Variants in OIT3 observed in about 807,000 individuals in gnomAD.
The protein encoded by OIT3 is oncoprotein-induced transcript 3 protein.
OIT3 carries 41 observed loss-of-function variants against 52.2 expected under a neutral mutation model. The observed-to-expected ratio is 0.79, with a 90% CI of 0.61 to 1.02. The LOEUF (loss-of-function observed/expected upper bound fraction) is 1.02. Among genes scored for constraint, OIT3 ranks in the 50% least tolerant of loss-of-function variants. The probability of loss-of-function intolerance (pLI) is 0.00; values close to 1 mark genes in which losing one functional copy is unlikely to be tolerated. For missense variants in OIT3, 634 were observed against 715.5 expected (o/e 0.89, Z 1.30); for synonymous variants, 244 against 276.9 (o/e 0.88, Z 1.18).
chr10:72,918,479 A>G (rs1846093301), intron 6 of OIT3: 2 of 1,247,192 alleles, frequency 1.6e-6, no homozygotes, highest in Non-Finnish European at 2.3e-6. Context: ...TTCACAACCA[A>G]AAAGATAGTT....
At chr10:72,917,641 G>C (rs1231244398) in intron 6 of OIT3, 1 of 855,854 alleles carries the variant, frequency 1.2e-6, no homozygotes, top group African/African-American at 1.6e-5. Context: ...TTTTCTTAAA[G>C]AGACTTCCTC....
chr10:72,916,956 G>T (rs777379695), intron 6 of OIT3, among the ~76,000 whole-genome samples: 1 of 151,968 alleles, frequency 6.6e-6, no homozygotes, highest in Non-Finnish European at 1.5e-5. Flanking sequence ...TCATATGCTT[G>T]TTGGCCACAT....
Position 72,898,644 on chromosome 10 carries a change from G to A in OIT3, c.62-20G>A. The A allele has an allele frequency of 1.3e-6, 2 of 1,588,444 alleles. No individual in the cohort carries two copies. The highest frequency in any genetic ancestry group is 2.7e-5 in the African/African-American group (2 of 74,484). On this transcript the variant is annotated intron_variant, in intron 1 of 8. Coordinates refer to ENST00000334011, the MANE Select transcript of OIT3 (RefSeq NM_152635.3). Reference sequence around the variant, plus strand: ...ATCCGAAACACTCCAGGTACTCTGAGGTATCTTTTTCATTTCCAGCCCTAG... The same window carrying A: ...ATCCGAAACACTCCAGGTACTCTGAAGTATCTTTTTCATTTCCAGCCCTAG...
chr10:72,917,999 T>TTCA, intron 6 of OIT3: 4 of 808,456 alleles, frequency 4.9e-6, no homozygotes, highest in Non-Finnish European at 8.6e-6. Context: ...CATCATTATC[T>TTCA]TCATCATCAT....
chr10:72,900,525 G>A (rs567063270), intron 3 of OIT3, 41 bp downstream of exon 3: 3 of 1,120,268 alleles, frequency 2.7e-6, no homozygotes, highest in African/African-American at 1.5e-5. Context: ...TATTAGGATC[G>A]AAAGGACAAA....
chr10:72,905,880 C>G (rs1845975123), intron 3 of OIT3, among the ~76,000 whole-genome samples: 1 of 152,176 alleles, frequency 6.6e-6, no homozygotes, highest in African/African-American at 2.4e-5. Flanking sequence ...AAGGTCATGC[C>G]TCCTGTCATC....
chr10:72,899,063 TTCTCCAC>T, intron 2 of OIT3, 25 bp downstream of exon 2: 1 of 1,569,366 alleles, frequency 6.4e-7, no homozygotes, highest in Non-Finnish European at 8.7e-7. Flanking sequence ...TGTGCTCTTT[TTCTCCAC>T]CAACAAGGCC....
chr10:72,918,462 G>T, intron 6 of OIT3: 1 of 929,418 alleles, frequency 1.1e-6, no homozygotes, highest in East Asian at 2.4e-5. Flanking sequence ...ATCTTTGTCA[G>T]CCTTAATTCA....
chr10:72,913,295 T>C lies in OIT3; in HGVS notation c.791-13T>C, dbSNP rs7913139. On this transcript the variant is annotated splice_polypyrimidine_tract_variant and intron_variant, in intron 5 of 8. Coordinates refer to ENST00000334011, the MANE Select transcript of OIT3 (RefSeq NM_152635.3). Reference sequence around the variant, plus strand: ...GGTTTCCTGGCTCTAACAGTGGCCCTTTTTCTCTGCAGTCCCTGTGTTGTG... The same window carrying C: ...GGTTTCCTGGCTCTAACAGTGGCCCCTTTTCTCTGCAGTCCCTGTGTTGTG... 3.9e-6 allele frequency: 6 copies of C among 1,556,274 alleles called. No individual in the cohort carries two copies. Among genetic ancestry groups the C allele is most frequent in the Admixed American group, 1.8e-5 (1 of 56,602 alleles).
At chr10:72,913,574 C>A in intron 6 of OIT3, 106 bp downstream of exon 6, 1 of 913,962 alleles carries the variant, frequency 1.1e-6, no homozygotes, top group Non-Finnish European at 1.8e-6. Flanking sequence ...GAGATATTTA[C>A]ACACAAAAGA....
intron 4 of OIT3, among the ~76,000 whole-genome samples, chr10:72,909,713 C>T (rs1007693965): frequency 2.0e-5 from 3 of 152,128 alleles, no homozygotes; most frequent in Admixed American, 6.6e-5. Context: ...TCTCCTGCCT[C>T]AACCTCCCCA....
intron 1 of OIT3, among the ~76,000 whole-genome samples, chr10:72,894,297 A>G (rs1475961299): frequency 6.6e-6 from 1 of 152,194 alleles, no homozygotes; most frequent in African/African-American, 2.4e-5. Context: ...ATTAGTCTTT[A>G]TGTCAGAAAA....
At chr10:72,896,825 A>G (rs1032381482) in intron 1 of OIT3, among the ~76,000 whole-genome samples, 2 of 152,146 alleles carry the variant, frequency 1.3e-5, no homozygotes, top group Non-Finnish European at 2.9e-5. Flanking sequence ...AGTCAACCTC[A>G]TGTGCATTAA....
chr10:72,918,026 GTCATCATCATCA>G, intron 6 of OIT3: 1 of 818,304 alleles, frequency 1.2e-6, no homozygotes, highest in Admixed American at 1.8e-5. Context: ...CTTCTTCATC[GTCATCATCATCA>G]TCATCATCAT....
chr10:72,908,786 C>T (rs1846002528), intron 4 of OIT3, among the ~76,000 whole-genome samples: 1 of 151,886 alleles, frequency 6.6e-6, no homozygotes, highest in Admixed American at 6.6e-5. Flanking sequence ...AATATTTTAG[C>T]AGAAGATGAA....
intron 7 of OIT3, among the ~76,000 whole-genome samples, chr10:72,927,315 C>T (rs1846178187): frequency 6.6e-6 from 1 of 151,888 alleles, no homozygotes; most frequent in Non-Finnish European, 1.5e-5. Context: ...GATTTTTGTA[C>T]TTTTAGTAGA....
chr10:72,905,661 A>G (rs1025578832), intron 3 of OIT3, among the ~76,000 whole-genome samples: 1 of 152,112 alleles, frequency 6.6e-6, no homozygotes, highest in Non-Finnish European at 1.5e-5. Context: ...GGGAAGTGTA[A>G]AACCGTACTT....
At chr10:72,900,085 T>G (rs925675872) in intron 2 of OIT3, among the ~76,000 whole-genome samples, 2 of 152,170 alleles carry the variant, frequency 1.3e-5, no homozygotes, top group African/African-American at 4.8e-5. Flanking sequence ...CATTGGTTTA[T>G]ATAAACCCTG....
Position 72,930,553 on chromosome 10 carries a change from C to T in OIT3, c.1383C>T (p.Asp461=). 1.2e-6 allele frequency: 2 copies of T among 1,612,742 alleles called. No individual in the cohort carries two copies. The highest frequency in any genetic ancestry group is 1.7e-6 in the Non-Finnish European group (2 of 1,178,998). Residue 461 remains aspartate, a synonymous_variant, in exon 8 of 9, where the codon GAC becomes GAT. Transcript: ENST00000334011. ...CTACTTTCAGCTGTGTTTCAGATGA[C>T]TCGGTAAAGCAGTACACATCCCGGG... The part of the protein sequence containing the change: ...YLIRDGCVSD[D]SVKQYTSRDH...
Sources: gnomAD v4.1 joint callset for allele counts (sites outside exome capture counted in the v4.1 genomes callset) on GRCh38, gnomAD v4.1.1 for gene constraint, MANE v1.5 for transcripts, NCBI Gene and HGNC (gene_info 2026-07-23, HGNC 2026-07-21) for gene names.